The following MSI2 variants were observed in gnomAD, a reference collection of about 807,000 sequenced individuals.
The protein encoded by MSI2 is RNA-binding protein Musashi homolog 2.
MSI2 carries 17 observed loss-of-function variants against 45.6 expected under a neutral mutation model. That is an observed-to-expected ratio of 0.37 (90% confidence interval 0.26 to 0.56). The LOEUF is 0.56. Ranked by LOEUF, MSI2 falls within the 20% of genes least tolerant of loss-of-function variation. The pLI is 0.77. For synonymous variants in MSI2, 156 were observed against 158.2 expected (o/e 0.99, Z 0.11); for missense variants, 293 against 444.2 (o/e 0.66, Z 3.06).
intron 6 of MSI2, among the ~76,000 whole-genome samples, chr17:57,447,833 C>CT (rs1226410306): frequency 6.6e-6 from 1 of 152,172 alleles, no homozygotes; most frequent in East Asian, 1.9e-4. Context: ...TGACAATTTA[C>CT]TTCTGTCTTT....
intron 6 of MSI2, among the ~76,000 whole-genome samples, chr17:57,469,721 C>G (rs138837862): frequency 6.6e-6 from 1 of 152,354 alleles, no homozygotes; most frequent in African/African-American, 2.4e-5. Context: ...CTGAAAGTTT[C>G]TTTCAACTGG....
chr17:57,485,111 G>A (rs924271844), intron 6 of MSI2, among the ~76,000 whole-genome samples: 1 of 152,164 alleles, frequency 6.6e-6, no homozygotes, highest in Non-Finnish European at 1.5e-5. Flanking sequence ...CAGTTCAAAT[G>A]GGTGTTCCCA....
At chr17:57,557,040 A>C (rs2087451423) in intron 7 of MSI2, among the ~76,000 whole-genome samples, 1 of 152,216 alleles carries the variant, frequency 6.6e-6, no homozygotes, top group African/African-American at 2.4e-5. Flanking sequence ...AAGATGGTTC[A>C]GGGCATGGAG....
intron 5 of MSI2, among the ~76,000 whole-genome samples, chr17:57,391,585 A>G (rs1246652811): frequency 2.0e-5 from 3 of 151,976 alleles, no homozygotes; most frequent in Admixed American, 6.6e-5. Flanking sequence ...CTAGGGCCCT[A>G]CCCCTCACCG....
At chr17:57,616,855 A>G (rs1310605060) in intron 9 of MSI2, among the ~76,000 whole-genome samples, 1 of 152,226 alleles carries the variant, frequency 6.6e-6, no homozygotes, top group East Asian at 1.9e-4. Flanking sequence ...TTAGAAATTT[A>G]AAGGCGAGAG....
At chr17:57,439,995 CT>C (rs2084767145) in intron 6 of MSI2, among the ~76,000 whole-genome samples, 1 of 152,130 alleles carries the variant, frequency 6.6e-6, no homozygotes, top group Non-Finnish European at 1.5e-5. Flanking sequence ...ATGGTTATCT[CT>C]TTGATTATAG....
chr17:57,329,665 CCTT>C lies in MSI2; in HGVS notation c.312+67479_312+67481del, dbSNP rs1450851490. ...CATGAGTTAGTGAAAAAAGGTTTGT[CCTT>C]CTTCTCTCCCTCTTTCCCCGGTGTT... On this transcript the variant is annotated intron_variant, in intron 5 of 13. Coordinates refer to ENST00000284073, the MANE Select transcript of MSI2 (RefSeq NM_138962.4). 2.0e-5 allele frequency among the ~76,000 whole-genome samples: 3 copies of C among 152,182 alleles called. No homozygotes were observed. The East Asian group carries it at 5.8e-4, about 29-fold the overall frequency.
intron 7 of MSI2, among the ~76,000 whole-genome samples, chr17:57,547,830 A>G (rs1409594666): frequency 6.6e-6 from 1 of 151,904 alleles, no homozygotes; most frequent in African/African-American, 2.4e-5. Context: ...TTGTTTTTGC[A>G]TAAACCTCTC....
intron 8 of MSI2, among the ~76,000 whole-genome samples, chr17:57,609,709 C>T (rs1023569393): frequency 6.6e-6 from 1 of 152,264 alleles, no homozygotes; most frequent in African/African-American, 2.4e-5. Flanking sequence ...GGGCAGTGAG[C>T]TTACCTTTGC....
intron 6 of MSI2, among the ~76,000 whole-genome samples, chr17:57,436,260 G>A (rs970148281): frequency 1.3e-5 from 2 of 152,150 alleles, no homozygotes; most frequent in African/African-American, 2.4e-5. Context: ...GAATAAGAAA[G>A]TAACTACCTC....
chr17:57,517,499 G>A (rs1419620717), intron 6 of MSI2, among the ~76,000 whole-genome samples: 1 of 152,216 alleles, frequency 6.6e-6, no homozygotes, highest in Non-Finnish European at 1.5e-5. Context: ...GGGCAGAGAT[G>A]CTCCTCCAAG....
At chr17:57,669,592 A>G (rs1459639005) in intron 11 of MSI2, among the ~76,000 whole-genome samples, 1 of 152,204 alleles carries the variant, frequency 6.6e-6, no homozygotes, top group African/African-American at 2.4e-5. Context: ...GGAGAGTGTG[A>G]TAACTTTATT....
intron 6 of MSI2, among the ~76,000 whole-genome samples, chr17:57,429,748 A>C (rs999322792): frequency 6.6e-6 from 1 of 151,550 alleles, no homozygotes; most frequent in Non-Finnish European, 1.5e-5. Flanking sequence ...AAAAAAAAAA[A>C]AACAATTAAA....
At chr17:57,384,909 T>G (rs1318221839) in intron 5 of MSI2, among the ~76,000 whole-genome samples, 1 of 152,222 alleles carries the variant, frequency 6.6e-6, no homozygotes, top group Non-Finnish European at 1.5e-5. Context: ...CTGCTGCTTC[T>G]GCATCCCCTA....
intron 5 of MSI2, among the ~76,000 whole-genome samples, chr17:57,321,237 C>G (rs1290132726): frequency 3.9e-5 from 6 of 151,904 alleles, no homozygotes; most frequent in Non-Finnish European, 8.8e-5. Context: ...CTGCTGTGTT[C>G]TTGGTGAGTC....
At chr17:57,323,023 G>A (rs967302818) in intron 5 of MSI2, among the ~76,000 whole-genome samples, 1 of 151,926 alleles carries the variant, frequency 6.6e-6, no homozygotes, top group Non-Finnish European at 1.5e-5. Context: ...TTGGTGGGGG[G>A]AGAGGGACTG....
intron 10 of MSI2, chr17:57,633,173 T>C (rs1909558217): frequency 3.9e-6 from 4 of 1,016,730 alleles, no homozygotes; most frequent in Non-Finnish European, 3.5e-6. Context: ...AAATAAATTG[T>C]TTACCATGGA....
At chr17:57,391,032 C>G (rs758385256) in intron 5 of MSI2, among the ~76,000 whole-genome samples, 1 of 152,202 alleles carries the variant, frequency 6.6e-6, no homozygotes, top group African/African-American at 2.4e-5. Flanking sequence ...ACCATTTTCC[C>G]TGGTAGTTGC....
At chr17:57,624,655 A>C (rs142583619) in intron 9 of MSI2, among the ~76,000 whole-genome samples, 3 of 152,292 alleles carry the variant, frequency 2.0e-5, no homozygotes, top group East Asian at 3.9e-4. Context: ...ATAAGTGCAC[A>C]GGAAGGAGCA....
Sources: allele counts gnomAD v4.1 joint callset (sites outside exome capture counted in the v4.1 genomes callset), GRCh38; gene constraint gnomAD v4.1.1; transcripts MANE v1.5; gene names NCBI Gene and HGNC (gene_info 2026-07-23, HGNC 2026-07-21).